Variants in CERS3 observed in about 807,000 individuals in gnomAD.
CERS3 encodes LAG1 homolog, ceramide synthase 3.
Under a neutral mutation model 50.3 loss-of-function variants are expected in CERS3, and 33 were observed. The ratio of observed to expected loss-of-function variants is 0.66; its 90% CI spans 0.50 to 0.88. The LOEUF (loss-of-function observed/expected upper bound fraction) is 0.88. CERS3 is among the 40% of genes least tolerant of loss of function. The pLI is 0.00. For synonymous variants in CERS3, 176 were observed against 155.2 expected, an observed-to-expected ratio of 1.13 and a Z score of -0.99; for missense variants, 470 against 460.3, an observed-to-expected ratio of 1.02 and a Z score of -0.19.
chr15:100,446,113 G>T (rs2033927757), intron 11 of CERS3, among the ~76,000 whole-genome samples: 2 of 151,738 alleles, frequency 1.3e-5, no homozygotes, highest in African/African-American at 4.9e-5. Context: ...TCTCTTTTCG[G>T]ACTCAGCCCG....
intron 2 of CERS3, among the ~76,000 whole-genome samples, chr15:100,507,006 C>G (rs1052157102): frequency 6.6e-6 from 1 of 152,106 alleles, no homozygotes; most frequent in Non-Finnish European, 1.5e-5. Context: ...AACTTTTAAC[C>G]TTTACACCTT....
chr15:100,405,844 T>G (rs972546559), intron 11 of CERS3, among the ~76,000 whole-genome samples: 1 of 152,212 alleles, frequency 6.6e-6, no homozygotes, highest in African/African-American at 2.4e-5. Flanking sequence ...AAATAAAACT[T>G]ATAAGGATTT....
At chr15:100,465,097 C>T (rs545256439) in intron 10 of CERS3, among the ~76,000 whole-genome samples, 2 of 152,228 alleles carry the variant, frequency 1.3e-5, no homozygotes, top group East Asian at 3.9e-4. Flanking sequence ...GGGCACAACC[C>T]CAGTTAGCTT....
chr15:100,533,636 C>T (rs2036999145), upstream of CERS3, among the ~76,000 whole-genome samples: 1 of 149,546 alleles, frequency 6.7e-6, no homozygotes, highest in Non-Finnish European at 1.5e-5. Flanking sequence ...CAGCTCACTG[C>T]AACCTCCACC....
intron 2 of CERS3, among the ~76,000 whole-genome samples, chr15:100,506,118 C>G (rs1380684399): frequency 1.3e-5 from 2 of 151,666 alleles, no homozygotes; most frequent in Admixed American, 6.6e-5. Flanking sequence ...GCACAAACAA[C>G]AAAAGAAAGA....
chr15:100,467,843 A>ACGTG (rs1249465124), intron 10 of CERS3, among the ~76,000 whole-genome samples: 55,174 of 121,662 alleles, frequency 0.45, 13,339 homozygotes, highest in Non-Finnish European at 0.52. Flanking sequence ...ACGTGTATAT[A>ACGTG]TATATATATA....
intron 9 of CERS3, among the ~76,000 whole-genome samples, chr15:100,470,558 G>T (rs115249644): frequency 0.013 from 2,014 of 152,216 alleles, 52 homozygotes; most frequent in African/African-American, 0.046. Context: ...AAGGATCAGG[G>T]GCTAGCTGGG....
intron 2 of CERS3, among the ~76,000 whole-genome samples, chr15:100,504,031 T>C (rs772379701): frequency 2.6e-5 from 4 of 152,022 alleles, no homozygotes; most frequent in Non-Finnish European, 4.4e-5. Context: ...AGTGACAGAT[T>C]TCTGACTTCA....
At chr15:100,409,413 G>C (rs987903221) in intron 11 of CERS3, among the ~76,000 whole-genome samples, 8 of 150,342 alleles carry the variant, frequency 5.3e-5, no homozygotes, top group Non-Finnish European at 1.2e-4. Context: ...CTAGAAAAAT[G>C]AGGTTTTTCT....
chr15:100,535,777 A>G (rs2037059401), intron 1 of CERS3, among the ~76,000 whole-genome samples: 1 of 138,794 alleles, frequency 7.2e-6, no homozygotes. Flanking sequence ...TCATATGTGC[A>G]CGGGAAGTGG....
intron 9 of CERS3, among the ~76,000 whole-genome samples, chr15:100,470,259 C>T (rs2034921436): frequency 6.6e-6 from 1 of 152,006 alleles, no homozygotes; most frequent in African/African-American, 2.4e-5. Flanking sequence ...GGGAACGTGG[C>T]TTAGACTTGG....
At position 100,402,587 on chromosome 15, in the gene CERS3, G is replaced by T; in HGVS notation, c.*126C>A. ...ACAACATTTTGGTAAACACATCTTA[G>T]GTGGGAGGGAAGGCGGTGGTGAGAA... is the stretch of plus-strand genomic sequence containing the variant. On this transcript the variant is annotated 3_prime_UTR_variant, in exon 12 of 12. Coordinates refer to ENST00000679737, the MANE Select transcript of CERS3 (RefSeq NM_001378789.1). 1 of 869,964 alleles carries T rather than the reference G, an allele frequency of 1.1e-6. No individual in the cohort carries two copies. Among genetic ancestry groups the T allele is most frequent in the Non-Finnish European group, 1.8e-6 (1 of 570,234 alleles). The allele number at this position is 869,964 out of a possible 1,614,324, so 53.9% of individuals were successfully genotyped here.
intron 11 of CERS3, among the ~76,000 whole-genome samples, chr15:100,408,114 CA>C (rs1209674537): frequency 6.6e-6 from 1 of 152,154 alleles, no homozygotes; most frequent in African/African-American, 2.4e-5. Flanking sequence ...TCAAGTGATC[CA>C]CCCACCCTGG....
intron 1 of CERS3, chr15:100,544,006 C>CG (rs36032381): frequency 0.77 from 116,741 of 152,084 alleles, 46,819 homozygotes; most frequent in East Asian, 0.9. Flanking sequence ...GCTTTGTAGC[C>CG]GGGGGAAAGG....
At chr15:100,531,392 T>C (rs955597773), upstream of CERS3, among the ~76,000 whole-genome samples, 8 of 152,052 alleles carry the variant, frequency 5.3e-5, no homozygotes, top group Non-Finnish European at 1.0e-4. Flanking sequence ...CTCGGAGGGT[T>C]TGCTGGTGAA....
intron 3 of CERS3, among the ~76,000 whole-genome samples, chr15:100,491,864 A>G (rs1287365629): frequency 6.7e-6 from 1 of 148,174 alleles, no homozygotes; most frequent in Non-Finnish European, 1.5e-5. Context: ...GTATTTGTTA[A>G]TTTCTTGATT....
At chr15:100,525,285 C>T (rs1443742554) in intron 1 of CERS3, among the ~76,000 whole-genome samples, 1 of 152,172 alleles carries the variant, frequency 6.6e-6, no homozygotes, top group African/African-American at 2.4e-5. Context: ...ATATAATCCA[C>T]CACCAGCACA....
intron 9 of CERS3, among the ~76,000 whole-genome samples, chr15:100,472,221 G>A (rs958101851): frequency 6.6e-6 from 1 of 152,124 alleles, no homozygotes; most frequent in Non-Finnish European, 1.5e-5. Flanking sequence ...AGCAGTTCTG[G>A]GAACTGTTGC....
At chr15:100,535,437 A>ATGAC (rs1476934349) in intron 1 of CERS3, among the ~76,000 whole-genome samples, 1 of 152,268 alleles carries the variant, frequency 6.6e-6, no homozygotes, top group Admixed American at 6.5e-5. Flanking sequence ...AAAATATAGC[A>ATGAC]TGACTGCCAA....
Sources: allele counts gnomAD v4.1 joint callset (sites outside exome capture counted in the v4.1 genomes callset), GRCh38; gene constraint gnomAD v4.1.1; transcripts MANE v1.5; gene names NCBI Gene and HGNC (gene_info 2026-07-23, HGNC 2026-07-21).